The following MAP3K13 variants were observed in gnomAD, a reference collection of about 807,000 sequenced individuals.
MAP3K13 encodes leucine zipper-bearing kinase.
Under a neutral mutation model 104.0 loss-of-function variants are expected in MAP3K13, and 52 were observed. That is an observed-to-expected ratio of 0.50 (90% confidence interval 0.40 to 0.63). The LOEUF (loss-of-function observed/expected upper bound fraction) is 0.63. Ranked by LOEUF, MAP3K13 falls within the 20% of genes least tolerant of loss-of-function variation. MAP3K13 has a pLI of 0.00. For missense variants in MAP3K13, 914 were observed against 1,218.5 expected, an observed-to-expected ratio of 0.75 and a Z score of 3.72; for synonymous variants, 394 against 442.2, an observed-to-expected ratio of 0.89 and a Z score of 1.37.
chr3:185,406,000 C>T (rs1359169456), intron 1 of MAP3K13, among the ~76,000 whole-genome samples: 1 of 152,168 alleles, frequency 6.6e-6, no homozygotes, highest in Admixed American at 6.5e-5. Context: ...ATAGTTTTGA[C>T]TTTTAGAAGC....
intron 2 of MAP3K13, among the ~76,000 whole-genome samples, chr3:185,308,254 A>C (rs1456437618): frequency 6.6e-6 from 1 of 151,722 alleles, no homozygotes; most frequent in East Asian, 1.9e-4. Flanking sequence ...TGTGCCTGTA[A>C]TTTCCCAATT....
chr3:185,350,642 G>C (rs12631207), intron 2 of MAP3K13, among the ~76,000 whole-genome samples: 12,734 of 152,066 alleles, frequency 0.084, 700 homozygotes, highest in East Asian at 0.21. Context: ...ATACTTTTGA[G>C]ACAAAATGTG....
At chr3:185,403,274 A>C (rs1354952418) in intron 1 of MAP3K13, among the ~76,000 whole-genome samples, 2 of 152,198 alleles carry the variant, frequency 1.3e-5, no homozygotes, top group African/African-American at 4.8e-5. Flanking sequence ...CTCTGAACCA[A>C]CATACATCTC....
At chr3:185,354,501 C>A (rs1723268068) in intron 2 of MAP3K13, among the ~76,000 whole-genome samples, 1 of 150,212 alleles carries the variant, frequency 6.7e-6, no homozygotes. Context: ...TGTCCTGTCC[C>A]TTAGGGAAAC....
intron 2 of MAP3K13, among the ~76,000 whole-genome samples, chr3:185,321,097 C>T (rs975580011): frequency 1.9e-4 from 28 of 150,824 alleles, no homozygotes; most frequent in Middle Eastern, 3.4e-3. Flanking sequence ...TATACACATG[C>T]GTGCACACAC....
chr3:185,395,707 C>T (rs542116379), intron 1 of MAP3K13, among the ~76,000 whole-genome samples: 4 of 14,586 alleles, frequency 2.7e-4, no homozygotes, highest in African/African-American at 3.8e-4. Context: ...ATTTTTGAGA[C>T]GGAGTCTTGC....
At chr3:185,388,117 T>C (rs1451391226) in intron 1 of MAP3K13, among the ~76,000 whole-genome samples, 1 of 150,548 alleles carries the variant, frequency 6.6e-6, no homozygotes, top group Non-Finnish European at 1.5e-5. Context: ...CCATTTACAA[T>C]TGCTACCAAA....
upstream of MAP3K13, among the ~76,000 whole-genome samples, chr3:185,361,178 TTA>T (rs558377440): frequency 9.4e-5 from 14 of 149,540 alleles, no homozygotes; most frequent in South Asian, 2.1e-4. Context: ...TGTGTATATA[TTA>T]TATATATATA....
intron 3 of MAP3K13, among the ~76,000 whole-genome samples, chr3:185,439,712 T>G (rs1715224666): frequency 6.6e-6 from 1 of 152,162 alleles, no homozygotes; most frequent in African/African-American, 2.4e-5. Context: ...GTGAGAAGCT[T>G]TATTTTTACT....
chr3:185,484,688 G>A lies in MAP3K13; in HGVS notation c.*2232G>A, dbSNP rs1718638957. 1 of 152,228 alleles carries A rather than the reference G, an allele frequency of 6.6e-6. No homozygotes were observed. The highest frequency in any genetic ancestry group is 6.5e-5 in the Admixed American group (1 of 15,290). The allele number at this position is 152,228 out of a possible 1,614,324, so 9.4% of individuals were successfully genotyped here. ...GGAAAATGTTTAATTTATACAAAGA[G>A]CAGTATTGTTTGCATTAATTTATTC... On this transcript the variant is annotated 3_prime_UTR_variant, in exon 14 of 14. Coordinates refer to ENST00000265026, the MANE Select transcript of MAP3K13 (RefSeq NM_004721.5).
intron 10 of MAP3K13, 80 bp downstream of exon 10, chr3:185,467,043 T>A (rs1717482132): frequency 1.3e-6 from 2 of 1,529,722 alleles, no homozygotes; most frequent in South Asian, 2.3e-5. Context: ...TGATGGCGGA[T>A]GTGGCCTCTT....
chr3:185,451,736 G>A (rs569197145), intron 7 of MAP3K13, among the ~76,000 whole-genome samples: 8 of 151,836 alleles, frequency 5.3e-5, no homozygotes, highest in Admixed American at 2.6e-4. Context: ...GTATGGTGGC[G>A]CATGCCTGTA....
chr3:185,393,993 C>T (rs1712233350), intron 1 of MAP3K13, among the ~76,000 whole-genome samples: 1 of 152,040 alleles, frequency 6.6e-6, no homozygotes, highest in African/African-American at 2.4e-5. Context: ...TCAAGTGTGG[C>T]CACTTATTCA....
At chr3:185,335,145 G>T (rs1177061249) in intron 2 of MAP3K13, among the ~76,000 whole-genome samples, 1 of 151,946 alleles carries the variant, frequency 6.6e-6, no homozygotes, top group African/African-American at 2.4e-5. Flanking sequence ...CTTATTGCAA[G>T]AACTTCTTAG....
At chr3:185,289,698 T>C (rs1349923838) in intron 2 of MAP3K13, among the ~76,000 whole-genome samples, 1 of 152,136 alleles carries the variant, frequency 6.6e-6, no homozygotes, top group Admixed American at 6.5e-5. Flanking sequence ...TAATTTAAAA[T>C]TGTAGCAACC....
chr3:185,404,160 C>G (rs140612335), intron 1 of MAP3K13, among the ~76,000 whole-genome samples: 1 of 152,302 alleles, frequency 6.6e-6, no homozygotes, highest in South Asian at 2.1e-4. Flanking sequence ...CTGGATAGTG[C>G]GTGAGTGTAA....
At chr3:185,299,441 AGGG>A (rs1449406138) in intron 2 of MAP3K13, among the ~76,000 whole-genome samples, 2 of 152,142 alleles carry the variant, frequency 1.3e-5, no homozygotes, top group African/African-American at 4.8e-5. Context: ...TTACTTTCCT[AGGG>A]CTGCCAGAAT....
chr3:185,471,675 G>C (rs1717800932), intron 10 of MAP3K13, among the ~76,000 whole-genome samples: 1 of 151,948 alleles, frequency 6.6e-6, no homozygotes, highest in Non-Finnish European at 1.5e-5. Flanking sequence ...GGCCAGGCTA[G>C]TCTCGAACTC....
chr3:185,363,107 A>G (rs1416967561), upstream of MAP3K13: 5 of 982,796 alleles, frequency 5.1e-6, no homozygotes, highest in Non-Finnish European at 4.8e-6. Flanking sequence ...GGCTGGGCCT[A>G]CTCTGGACCC....
Sources: gnomAD v4.1 joint callset for allele counts (sites outside exome capture counted in the v4.1 genomes callset) on GRCh38, gnomAD v4.1.1 for gene constraint, MANE v1.5 for transcripts, NCBI Gene and HGNC (gene_info 2026-07-23, HGNC 2026-07-21) for gene names.